The following PARN variants were observed in gnomAD, a reference collection of about 807,000 sequenced individuals.
The protein encoded by PARN is poly(A)-specific ribonuclease PARN.
PARN carries 71 observed loss-of-function variants against 102.8 expected under a neutral mutation model. The ratio of observed to expected loss-of-function variants is 0.69; its 90% CI spans 0.57 to 0.84. The LOEUF is 0.84. PARN is among the 40% of genes least tolerant of loss of function. The probability of loss-of-function intolerance (pLI) is 0.00; values close to 1 mark genes in which losing one functional copy is unlikely to be tolerated. For missense variants in PARN, 782 were observed against 760.9 expected (o/e 1.03, Z -0.33); for synonymous variants, 261 against 252.9 (o/e 1.03, Z -0.30).
intron 21 of PARN, among the ~76,000 whole-genome samples, chr16:14,521,575 G>C (rs949949060): frequency 6.6e-6 from 1 of 152,172 alleles, no homozygotes; most frequent in African/African-American, 2.4e-5. Flanking sequence ...GCGGCGGGCG[G>C]ATCACCTGAG....
intron 5 of PARN, among the ~76,000 whole-genome samples, chr16:14,624,457 T>C (rs957043563): frequency 2.0e-5 from 3 of 152,246 alleles, no homozygotes; most frequent in African/African-American, 7.2e-5. Flanking sequence ...CATTACTCTC[T>C]GGGCTATCTT....
At chr16:14,608,636 C>T (rs1239855598) in intron 8 of PARN, among the ~76,000 whole-genome samples, 2 of 151,974 alleles carry the variant, frequency 1.3e-5, no homozygotes, top group Non-Finnish European at 2.9e-5. Context: ...AAACTCCTCA[C>T]AAAGTAAAAG....
chr16:14,515,850 G>A (rs1380115504), intron 21 of PARN, among the ~76,000 whole-genome samples: 2 of 152,062 alleles, frequency 1.3e-5, no homozygotes, highest in Non-Finnish European at 2.9e-5. Flanking sequence ...TGAAGCAGGA[G>A]GATTGCTTGA....
chr16:14,484,622 T>C lies in PARN; in HGVS notation c.1481-1795A>G, dbSNP rs1018488517. On this transcript the variant is annotated intron_variant, in intron 21 of 23. Transcript: ENST00000437198. ...ATGCAGGCTGTGGGCACGTCGGCAC[T>C]GGACAAGGGACTCCAGTTTACCAGG... 2.0e-5 allele frequency among the ~76,000 whole-genome samples: 3 copies of C among 152,156 alleles called. No individual in the cohort carries two copies. In the East Asian group the frequency reaches 5.8e-4, roughly 29 times the overall value.
Position 14,599,263 on chromosome 16 carries a change from G to A in PARN, c.840+641C>T, listed in dbSNP as rs552334279. On this transcript the variant is annotated intron_variant, in intron 12 of 23. Coordinates refer to ENST00000437198, the MANE Select transcript of PARN (RefSeq NM_002582.4). ...TCCCCATATTTCCCAGGCTGGTCTC[G>A]AACTCCTGAGCTCAAGCAATCCATC... Among the ~76,000 whole-genome samples, 234 of 151,954 alleles carry A rather than the reference G, an allele frequency of 1.5e-3. 1 individual carries two copies. The highest frequency in any genetic ancestry group is 1.8e-3 in the Non-Finnish European group (119 of 67,956).
chr16:14,615,032 C>A (rs1971806120), intron 6 of PARN, among the ~76,000 whole-genome samples: 1 of 151,826 alleles, frequency 6.6e-6, no homozygotes, highest in Non-Finnish European at 1.5e-5. Flanking sequence ...CACCTGGTTT[C>A]CCTCCAGACA....
At position 14,628,220 on chromosome 16, in the gene PARN, TAA is replaced by T. The variant is rs1480753637; in HGVS notation, c.127_128del (p.Leu43AsnfsTer5). The T allele has an allele frequency of 6.2e-7, 1 of 1,607,320 alleles. No homozygotes were observed. The highest frequency in any genetic ancestry group is 8.5e-7 in the Non-Finnish European group (1 of 1,174,502). On this transcript the variant is annotated frameshift_variant, in exon 3 of 24. Coordinates refer to ENST00000437198, the MANE Select transcript of PARN (RefSeq NM_002582.4). LOFTEE classifies it high-confidence loss of function. ...CTTCTGGAGTGTCAAAACCATTTGT[TAA>T]TGCAGAGACTGAAGGTCCATCACTG... ...GISDGPSVSALTNGFDTPEER... is the reference protein window; with the variant it reads ...GISDGPSVSAXTNGFDTPEER...
chr16:14,487,861 A>G (rs1399208612), intron 21 of PARN, among the ~76,000 whole-genome samples: 2 of 152,192 alleles, frequency 1.3e-5, no homozygotes, highest in Non-Finnish European at 2.9e-5. Context: ...ACAGAACTGT[A>G]CACCAAAGAC....
intron 7 of PARN, 77 bp downstream of exon 7, chr16:14,610,567 C>A: frequency 1.2e-6 from 1 of 848,748 alleles, no homozygotes; most frequent in Middle Eastern, 2.3e-4. Context: ...TTGTAAAGCA[C>A]AGGTTTGAGA....
At chr16:14,626,638 G>T (rs1213977487) in intron 5 of PARN, among the ~76,000 whole-genome samples, 3 of 149,368 alleles carry the variant, frequency 2.0e-5, no homozygotes, top group African/African-American at 7.4e-5. Context: ...TTGAGCCAGA[G>T]TCTCGCTCTG....
chr16:14,592,895 T>C (rs1051085239), intron 13 of PARN, among the ~76,000 whole-genome samples: 4 of 152,164 alleles, frequency 2.6e-5, no homozygotes, highest in African/African-American at 9.7e-5. Context: ...CCCAGCACTA[T>C]GGGAGGCTAA....
chr16:14,440,546 T>G (rs767981095), intron 23 of PARN, among the ~76,000 whole-genome samples: 4 of 152,234 alleles, frequency 2.6e-5, no homozygotes, highest in Admixed American at 6.5e-5. Flanking sequence ...ACAAAAAACC[T>G]GTACACAAAT....
At chr16:14,614,542 G>A (rs954425859) in intron 6 of PARN, among the ~76,000 whole-genome samples, 7 of 152,078 alleles carry the variant, frequency 4.6e-5, no homozygotes, top group African/African-American at 1.7e-4. Context: ...CCTGAAAATG[G>A]TGGCTCCCGT....
At chr16:14,493,981 T>G (rs1025654486) in intron 21 of PARN, among the ~76,000 whole-genome samples, 1 of 152,216 alleles carries the variant, frequency 6.6e-6, no homozygotes, top group African/African-American at 2.4e-5. Flanking sequence ...CAAATACAGT[T>G]GACCCTCGAA....
intron 21 of PARN, among the ~76,000 whole-genome samples, chr16:14,498,428 C>T (rs771296761): frequency 6.6e-6 from 1 of 152,176 alleles, no homozygotes; most frequent in Non-Finnish European, 1.5e-5. Context: ...GCATTGGAAG[C>T]ACTCAGCACT....
At chr16:14,490,859 G>C (rs1964021431) in intron 21 of PARN, among the ~76,000 whole-genome samples, 1 of 152,116 alleles carries the variant, frequency 6.6e-6, no homozygotes, top group African/African-American at 2.4e-5. Context: ...CAATTTACCA[G>C]ATAAGAGAAT....
At chr16:14,573,230 TACA>T (rs1169638634) in intron 18 of PARN, among the ~76,000 whole-genome samples, 4 of 152,328 alleles carry the variant, frequency 2.6e-5, no homozygotes, top group East Asian at 3.9e-4. Context: ...TATTGATATG[TACA>T]ACATGTTTTG....
chr16:14,557,134 A>G (rs1395154693), intron 18 of PARN, among the ~76,000 whole-genome samples: 1 of 152,196 alleles, frequency 6.6e-6, no homozygotes. Context: ...TTTTACTTAG[A>G]TAACAATATA....
At chr16:14,465,653 T>C (rs1161977912) in intron 22 of PARN, among the ~76,000 whole-genome samples, 1 of 152,170 alleles carries the variant, frequency 6.6e-6, no homozygotes, top group Non-Finnish European at 1.5e-5. Context: ...TGTAAATTTA[T>C]AAGCTGATAC....
Sources: allele counts gnomAD v4.1 joint callset (sites outside exome capture counted in the v4.1 genomes callset), GRCh38; gene constraint gnomAD v4.1.1; transcripts MANE v1.5; gene names NCBI Gene and HGNC (gene_info 2026-07-23, HGNC 2026-07-21).